The following PTCHD4 variants were observed in gnomAD, a reference collection of about 807,000 sequenced individuals.
The protein encoded by PTCHD4 is patched domain-containing protein 4.
A neutral mutation model predicts 58.1 loss-of-function variants in PTCHD4; 33 were observed. The ratio of observed to expected loss-of-function variants is 0.57; its 90% CI spans 0.43 to 0.76. The LOEUF (loss-of-function observed/expected upper bound fraction) is 0.76. PTCHD4 is among the 30% of genes least tolerant of loss of function. The pLI is 0.00. For synonymous variants in PTCHD4, 478 were observed against 409.6 expected (o/e 1.17, Z -2.02); for missense variants, 1,058 against 1,027.1 (o/e 1.03, Z -0.41).
At chr6:48,054,001 G>A (rs902680559) in intron 3 of PTCHD4, among the ~76,000 whole-genome samples, 1 of 152,032 alleles carries the variant, frequency 6.6e-6, no homozygotes, top group Non-Finnish European at 1.5e-5. Flanking sequence ...AAAAGAGCTA[G>A]GTAAGATAGG....
At chr6:48,103,675 C>T (rs1332684433) in intron 1 of PTCHD4, among the ~76,000 whole-genome samples, 1 of 151,174 alleles carries the variant, frequency 6.6e-6, no homozygotes, top group African/African-American at 2.4e-5. Flanking sequence ...AAGTTCTAAC[C>T]AATGGCAAAG....
At chr6:48,091,932 G>A (rs1180483703) in intron 1 of PTCHD4, among the ~76,000 whole-genome samples, 2 of 151,882 alleles carry the variant, frequency 1.3e-5, no homozygotes, top group African/African-American at 4.8e-5. Context: ...TTACAGGCAT[G>A]AGCCACCACG....
chr6:48,062,994 A>G (rs1764682992), intron 3 of PTCHD4, among the ~76,000 whole-genome samples: 1 of 152,168 alleles, frequency 6.6e-6, no homozygotes, highest in South Asian at 2.1e-4. Context: ...TGAGAGTTCT[A>G]ACCAGTACAG....
At chr6:47,885,695 C>G (rs1764170494) in intron 4 of PTCHD4, among the ~76,000 whole-genome samples, 1 of 152,180 alleles carries the variant, frequency 6.6e-6, no homozygotes, top group Non-Finnish European at 1.5e-5. Context: ...ACAGCTCCAG[C>G]CTTCCTTTAA....
intron 4 of PTCHD4, among the ~76,000 whole-genome samples, chr6:48,003,714 G>A (rs184230643): frequency 2.9e-3 from 437 of 152,196 alleles, no homozygotes; most frequent in African/African-American, 9.4e-3. Context: ...AATTTCACCC[G>A]AAGGTTAATT....
intron 3 of PTCHD4, among the ~76,000 whole-genome samples, chr6:48,060,075 C>T (rs527487311): frequency 1.1e-4 from 17 of 152,292 alleles, no homozygotes; most frequent in East Asian, 3.9e-4. Flanking sequence ...CTCAAGCTCC[C>T]GGAGGGCAAG....
At chr6:47,931,157 A>G (rs1326357912) in intron 4 of PTCHD4, among the ~76,000 whole-genome samples, 1 of 152,256 alleles carries the variant, frequency 6.6e-6, no homozygotes, top group Non-Finnish European at 1.5e-5. Flanking sequence ...TAATCCACCC[A>G]AAGCGTTCCT....
intron 4 of PTCHD4, among the ~76,000 whole-genome samples, chr6:47,917,644 C>T (rs532367973): frequency 1.8e-4 from 27 of 152,010 alleles, no homozygotes; most frequent in Non-Finnish European, 3.4e-4. Context: ...GAGACATTCG[C>T]TGGAGAAAAA....
At chr6:48,051,883 A>G (rs190032056) in intron 3 of PTCHD4, among the ~76,000 whole-genome samples, 1 of 152,158 alleles carries the variant, frequency 6.6e-6, no homozygotes, top group Non-Finnish European at 1.5e-5. Context: ...TGTAACAACA[A>G]TTCTGAATTA....
chr6:47,861,064 G>C lies in PTCHD4; in HGVS notation c.*17239C>G, dbSNP rs978754608. Among the ~76,000 whole-genome samples the C allele has an allele frequency of 1.3e-5, 2 of 151,796 alleles. No homozygotes were observed. The highest frequency in any genetic ancestry group is 4.8e-5 in the African/African-American group (2 of 41,372). On this transcript the variant is annotated 3_prime_UTR_variant, in exon 5 of 5. Transcript: ENST00000339488. ...ACATTTCAATCGCAGTCTAATTATT[G>C]AGCTCTCCCAATCCCTCCAGTGCTA...
rs977441526 is a variant in PTCHD4, at chr6:47,971,431, C to G, written c.898+37203G>C. ...ACCCAGCAGAAGAATGAAAAAATAC[C>G]TGCACCAATTCAGAACCTGAAGTTT... On this transcript the variant is annotated intron_variant, in intron 4 of 4. Transcript: ENST00000339488. 1.4e-4 allele frequency among the ~76,000 whole-genome samples: 22 copies of G among 152,156 alleles called. No homozygotes were observed. In the East Asian group the frequency reaches 3.1e-3, roughly 21 times the overall value.
intron 4 of PTCHD4, among the ~76,000 whole-genome samples, chr6:47,926,330 G>T (rs1765613135): frequency 6.6e-6 from 1 of 152,160 alleles, no homozygotes; most frequent in African/African-American, 2.4e-5. Flanking sequence ...GATGCTACTT[G>T]TTTGATAGAA....
chr6:48,055,578 C>T (rs1764381063), intron 3 of PTCHD4, among the ~76,000 whole-genome samples: 1 of 152,136 alleles, frequency 6.6e-6, no homozygotes, highest in South Asian at 2.1e-4. Context: ...AGAAAGAATC[C>T]AATTCCTTAA....
At chr6:48,012,022 C>T (rs868661294) in intron 3 of PTCHD4, among the ~76,000 whole-genome samples, 4 of 151,920 alleles carry the variant, frequency 2.6e-5, no homozygotes, top group Admixed American at 6.6e-5. Flanking sequence ...TCTAGCTTTG[C>T]TCTTTTTGCT....
chr6:47,880,024 G>T (rs1468067421), intron 4 of PTCHD4, 88 bp from the exon 5 acceptor site: 3 of 1,049,354 alleles, frequency 2.9e-6, no homozygotes, highest in Non-Finnish European at 4.0e-6. Context: ...ATGCTAAATG[G>T]CACTTTATAC....
chr6:47,932,490 T>G (rs907436119), intron 4 of PTCHD4, among the ~76,000 whole-genome samples: 14 of 152,150 alleles, frequency 9.2e-5, no homozygotes, highest in African/African-American at 3.4e-4. Context: ...ATAAGGAGCA[T>G]AAGGTTTTAT....
At chr6:48,105,252 C>T (rs982706821) in intron 1 of PTCHD4, among the ~76,000 whole-genome samples, 2 of 151,788 alleles carry the variant, frequency 1.3e-5, no homozygotes, top group Admixed American at 1.3e-4. Context: ...GACAAACTGT[C>T]TCTCAGACCA....
chr6:48,068,805 GCT>G lies in PTCHD4; in HGVS notation c.5+146_5+147del, dbSNP rs1764901855. 9.4e-6 allele frequency: 6 copies of G among 640,596 alleles called. No homozygotes were observed. The highest frequency in any genetic ancestry group is 1.6e-5 in the Non-Finnish European group (6 of 375,250). The allele number at this position is 640,596 out of a possible 1,614,324, so 39.7% of individuals were successfully genotyped here. ...TCTTTCCCCGGCCCCACCTCCATGC[GCT>G]CCTACTACTCTTTCAAACACTGCAG... On this transcript the variant is annotated intron_variant, in intron 2 of 4. Coordinates refer to ENST00000339488, the MANE Select transcript of PTCHD4 (RefSeq NM_001384253.1). The surrounding 1 kb of genome is among the most constrained non-coding windows in gnomAD (Gnocchi z 4.2).
chr6:47,960,368 A>G (rs996990192), intron 4 of PTCHD4, among the ~76,000 whole-genome samples: 4 of 152,162 alleles, frequency 2.6e-5, no homozygotes, highest in Admixed American at 6.5e-5. Context: ...TTAAAATAAC[A>G]TAAAATGCAA....
Sources: gnomAD v4.1 joint callset for allele counts (sites outside exome capture counted in the v4.1 genomes callset) on GRCh38, gnomAD v4.1.1 for gene constraint, Gnocchi (gnomAD v3.1) non-coding constraint, MANE v1.5 for transcripts, NCBI Gene and HGNC (gene_info 2026-07-23, HGNC 2026-07-21) for gene names.